PCM1: variants seen among roughly 807,000 people sequenced by gnomAD.
PCM1 encodes the protein pericentriolar material 1 protein.
In PCM1, 157 loss-of-function variants were observed where a neutral mutation model predicts 241.9. That is an observed-to-expected ratio of 0.65 (90% CI 0.57 to 0.74). The LOEUF (loss-of-function observed/expected upper bound fraction) is 0.74, where lower values mean the gene tolerates loss of function less well. PCM1 is among the 30% of genes least tolerant of loss of function. PCM1 has a pLI of 0.00. For synonymous variants in PCM1, 1,085 were observed against 784.9 expected (o/e 1.38, Z -6.39); for missense variants, 3,478 against 2,360.1 (o/e 1.47, Z -9.81).
rs983301362 is a variant in PCM1, at chr8:17,938,658, C to A, written c.343-82C>A. ...CACCTTCTGAATCAATATCTGATGG[C>A]GAAACTAAGAACATTGGGGTTAAAA... On this transcript the variant is annotated intron_variant, in intron 4 of 38. Transcript: ENST00000325083. The A allele has an allele frequency of 4.4e-5, 42 of 946,046 alleles. No individual in the cohort carries two copies. In the East Asian group the frequency reaches 1.0e-3, roughly 23 times the overall value. The allele number at this position is 946,046 out of a possible 1,614,324, so 58.6% of individuals were successfully genotyped here.
intron 18 of PCM1, among the ~76,000 whole-genome samples, chr8:17,965,354 C>G (rs1412827354): frequency 6.6e-6 from 1 of 152,184 alleles, no homozygotes; most frequent in Non-Finnish European, 1.5e-5. Flanking sequence ...AAATTCACAT[C>G]TGGTTGAAAG....
intron 36 of PCM1, chr8:18,025,068 G>C (rs552009335): frequency 4.0e-6 from 1 of 251,800 alleles, no homozygotes; most frequent in African/African-American, 2.3e-5. Flanking sequence ...AAAAACAAGA[G>C]TTGTCTTTCT....
intron 36 of PCM1, among the ~76,000 whole-genome samples, chr8:18,020,135 A>G (rs373255966): frequency 2.0e-5 from 3 of 152,178 alleles, no homozygotes; most frequent in East Asian, 1.9e-4. Context: ...AGGATACCCA[A>G]GTTATTTAAA....
rs750699114 is a variant in PCM1 at position 17,964,690 on chromosome 8, G to T, written c.2777G>T (p.Ser926Ile). The T allele has an allele frequency of 1.9e-6, 3 of 1,613,756 alleles. No homozygotes were observed. Among genetic ancestry groups the T allele is most frequent in the Admixed American group, 3.3e-5 (2 of 60,006 alleles). Reference sequence around the variant, plus strand: ...GAGGAGGAAGAAGAGCAAGATGCCAGTTCCAATGATAACTTTTCTGTGTGT... The same window carrying T: ...GAGGAGGAAGAAGAGCAAGATGCCATTTCCAATGATAACTTTTCTGTGTGT... ...DEEEEEEQDA[S>I]SNDNFSVCPS... Residue 926 changes from serine (S) to isoleucine (I), a missense_variant, in exon 18 of 39, where the codon AGT (serine) becomes ATT (isoleucine). By Grantham distance (142) the Ser-to-Ile change is moderately radical. Coordinates refer to ENST00000325083, the MANE Select transcript of PCM1 (RefSeq NM_006197.4).
chr8:17,934,615 CTT>C (rs985936248), intron 2 of PCM1: 1 of 151,632 alleles, frequency 6.6e-6, no homozygotes, highest in Non-Finnish European at 1.5e-5. Context: ...CAAACTGTCT[CTT>C]TTGAATGTCA....
chr8:17,939,047 A>C, intron 5 of PCM1, 38 bp downstream of exon 5: 2 of 1,604,278 alleles, frequency 1.2e-6, no homozygotes, highest in Non-Finnish European at 8.5e-7. Flanking sequence ...TCTTTACACA[A>C]ACCTCAAAAT....
intron 18 of PCM1, among the ~76,000 whole-genome samples, 154 bp downstream of exon 18, chr8:17,964,922 A>C (rs2074228219): frequency 6.6e-6 from 1 of 152,028 alleles, no homozygotes; most frequent in Admixed American, 6.6e-5. Flanking sequence ...CAGACCCCTC[A>C]AGTTAAGGGG....
At chr8:17,987,109 A>G (rs1226223719) in intron 26 of PCM1, among the ~76,000 whole-genome samples, 2 of 151,900 alleles carry the variant, frequency 1.3e-5, no homozygotes, top group African/African-American at 2.4e-5. Context: ...GTACTATAAC[A>G]TAAACCTGTG....
chr8:17,979,420 C>A (rs138404492), intron 23 of PCM1, among the ~76,000 whole-genome samples: 84 of 152,240 alleles, frequency 5.5e-4, no homozygotes, highest in South Asian at 2.3e-3. Flanking sequence ...AAAGTAGCTC[C>A]TAGAGTTACA....
chr8:17,945,299 A>G (rs1202351247), intron 6 of PCM1, among the ~76,000 whole-genome samples: 4 of 152,156 alleles, frequency 2.6e-5, no homozygotes, highest in Non-Finnish European at 5.9e-5. Flanking sequence ...TATATAGGAT[A>G]GGAGAGAACT....
At position 17,950,688 on chromosome 8, in the gene PCM1, A is replaced by G. The variant is rs1313458707; in HGVS notation, c.1035A>G (p.Leu345=). 3 of 1,600,848 alleles carry G rather than the reference A, an allele frequency of 1.9e-6. No homozygotes were observed. The highest frequency in any genetic ancestry group is 2.6e-6 in the Non-Finnish European group (3 of 1,171,878). The change falls in exon 8 of 39, where the codon TTA becomes TTG. Residue 345 remains leucine (L), a synonymous_variant. Transcript: ENST00000325083. The stretch of plus-strand genomic sequence containing the variant: ...AACTAAATGAAGAATTGAATGACTT[A>G]ATTCAGCGTTTTCATAATCAGCTTC... ...TSELNEELND[L]IQRFHNQLRD...
At chr8:17,987,033 A>C (rs749328242) in intron 26 of PCM1, among the ~76,000 whole-genome samples, 5 of 151,800 alleles carry the variant, frequency 3.3e-5, no homozygotes, top group Non-Finnish European at 5.9e-5. Flanking sequence ...TCGTGTTTAA[A>C]ATAATAACTT....
chr8:17,966,976 G>T lies in PCM1; in HGVS notation c.3222-4G>T, dbSNP rs202114814. On this transcript the variant is annotated splice_region_variant and splice_polypyrimidine_tract_variant and intron_variant, in intron 20 of 38. Transcript: ENST00000325083. The stretch of plus-strand genomic sequence containing the variant: ...TCTTAGATTACTGACTTAAATCTTT[G>T]TAGGTTGAAACAAATGCTAAATGAA... The T allele has an allele frequency of 1.9e-6, 3 of 1,594,834 alleles. No homozygotes were observed. The highest frequency in any genetic ancestry group is 1.3e-5 in the African/African-American group (1 of 74,340).
At chr8:17,940,409 T>A (rs927025709) in intron 6 of PCM1, among the ~76,000 whole-genome samples, 10 of 152,208 alleles carry the variant, frequency 6.6e-5, no homozygotes, top group Non-Finnish European at 1.3e-4. Context: ...ATAGAAACAT[T>A]GTTTTTGTAG....
chr8:17,938,464 A>G (rs1415946963), intron 4 of PCM1, among the ~76,000 whole-genome samples: 2 of 152,192 alleles, frequency 1.3e-5, no homozygotes, highest in Non-Finnish European at 2.9e-5. Flanking sequence ...TATTTTGGAT[A>G]AGGGGTACTC....
chr8:18,025,515 G>C (rs370324793), intron 37 of PCM1, 29 bp from the exon 38 acceptor site: 201 of 1,529,950 alleles, frequency 1.3e-4, no homozygotes, highest in Non-Finnish European at 1.8e-4. Context: ...AATGAAAAAT[G>C]ATTTGTATTT....
At chr8:17,980,830 G>A in intron 24 of PCM1, 75 bp downstream of exon 24, 3 of 1,146,630 alleles carry the variant, frequency 2.6e-6, no homozygotes, top group South Asian at 1.6e-5. Flanking sequence ...TAAAGCAGGT[G>A]TTAAAATTGG....
intron 30 of PCM1, 65 bp from the exon 31 acceptor site, chr8:18,009,482 A>G: frequency 1.9e-6 from 2 of 1,035,032 alleles, no homozygotes; most frequent in Non-Finnish European, 2.9e-6. Context: ...CAGTACTTAA[A>G]AGTAATAGTA....
intron 16 of PCM1, among the ~76,000 whole-genome samples, chr8:17,962,787 C>T (rs1354926007): frequency 3.3e-5 from 5 of 151,328 alleles, no homozygotes; most frequent in African/African-American, 4.9e-5. Context: ...CCTGTAATCC[C>T]AGCTACTCAG....
Sources: gnomAD v4.1 joint callset for allele counts (sites outside exome capture counted in the v4.1 genomes callset) on GRCh38, gnomAD v4.1.1 for gene constraint, MANE v1.5 for transcripts, NCBI Gene and HGNC (gene_info 2026-07-23, HGNC 2026-07-21) for gene names.